Variants in PAX5 observed in about 807,000 individuals in gnomAD.
PAX5 encodes the protein paired box protein Pax-5.
Under a neutral mutation model 43.7 loss-of-function variants are expected in PAX5, and 9 were observed. That is an observed-to-expected ratio of 0.21 (90% confidence interval 0.12 to 0.36). The LOEUF (loss-of-function observed/expected upper bound fraction) is 0.36. PAX5 is among the 10% of genes least tolerant of loss of function. The pLI is 1.00. For synonymous variants in PAX5, 228 were observed against 214.3 expected (o/e 1.06, Z -0.56); for missense variants, 383 against 532.7 (o/e 0.72, Z 2.77).
intron 6 of PAX5, among the ~76,000 whole-genome samples, chr9:36,927,606 A>G (rs1830747670): frequency 6.6e-6 from 1 of 152,218 alleles, no homozygotes; most frequent in Non-Finnish European, 1.5e-5. Flanking sequence ...TGGCTCCCAG[A>G]AAGCAAAGCA....
At chr9:37,017,989 C>T (rs1344054081) in intron 2 of PAX5, among the ~76,000 whole-genome samples, 2 of 152,224 alleles carry the variant, frequency 1.3e-5, no homozygotes, top group African/African-American at 2.4e-5. Flanking sequence ...CAATGTCCTT[C>T]GGTGCAAAGA....
At chr9:36,921,743 G>T (rs943554528) in intron 7 of PAX5, among the ~76,000 whole-genome samples, 1 of 152,162 alleles carries the variant, frequency 6.6e-6, no homozygotes, top group East Asian at 1.9e-4. Context: ...ATTATTTGTA[G>T]TTCCTTGAAA....
Position 36,996,382 on chromosome 9 carries a change from C to T in PAX5, c.604+6266G>A, listed in dbSNP as rs147464324. Among the ~76,000 whole-genome samples, 112 of 152,384 alleles carry T rather than the reference C, an allele frequency of 7.3e-4. No individual in the cohort carries two copies. The East Asian group carries it at 0.017, about 23-fold the overall frequency. ...AGGTGCAGAGAGATTAAGTAACTCG[C>T]TACAAGAAGTCCTCAAACCATTTCA... is the stretch of plus-strand genomic sequence containing the variant. On this transcript the variant is annotated intron_variant, in intron 5 of 9. Transcript: ENST00000358127.
In PAX5 at chr9:37,026,797, C is replaced by G. The variant is rs751444706; in HGVS notation, c.47-5996G>C. 37 of 879,376 alleles carry G rather than the reference C, an allele frequency of 4.2e-5. No individual in the cohort carries two copies. The Admixed American group carries it at 6.8e-4, about 16-fold the overall frequency. The allele number at this position is 879,376 out of a possible 1,614,324, so 54.5% of individuals were successfully genotyped here. A position where few individuals can be genotyped will look rare whatever the true frequency, so the allele number is the denominator to read the frequency against. Reference sequence around the variant, plus strand: ...GGTGCTAGCGCACCCGGGCTAGGAGCGGGTGCCCAACTCCGGCTGGCTTCC... The same window carrying G: ...GGTGCTAGCGCACCCGGGCTAGGAGGGGGTGCCCAACTCCGGCTGGCTTCC... On this transcript the variant is annotated intron_variant, in intron 1 of 9. Transcript: ENST00000358127.
At chr9:36,919,733 C>T (rs776763437) in intron 7 of PAX5, among the ~76,000 whole-genome samples, 18 of 147,246 alleles carry the variant, frequency 1.2e-4, no homozygotes, top group Non-Finnish European at 2.4e-4. Context: ...CCCAGCTACT[C>T]GGGAGGCTGA....
At chr9:36,964,452 C>T (rs1227540654) in intron 6 of PAX5, among the ~76,000 whole-genome samples, 10 of 151,778 alleles carry the variant, frequency 6.6e-5, no homozygotes, top group East Asian at 1.9e-4. Context: ...ATTAGCCGGG[C>T]GTGGTGGCAG....
chr9:36,918,624 G>T (rs765617387), intron 7 of PAX5, among the ~76,000 whole-genome samples: 26 of 152,140 alleles, frequency 1.7e-4, no homozygotes, highest in Non-Finnish European at 2.5e-4. Context: ...TTGCACCACT[G>T]CACTCCAGCC....
chr9:36,940,031 C>T (rs1831912886), intron 6 of PAX5, among the ~76,000 whole-genome samples: 1 of 152,240 alleles, frequency 6.6e-6, no homozygotes, highest in African/African-American at 2.4e-5. Context: ...GCAAGGCACC[C>T]ACTCCAGCCG....
At chr9:36,994,928 C>T (rs1406253581) in intron 5 of PAX5, among the ~76,000 whole-genome samples, 1 of 152,120 alleles carries the variant, frequency 6.6e-6, no homozygotes, top group African/African-American at 2.4e-5. Context: ...CGTGATGCCC[C>T]CACCACGACC....
rs147374367 is a variant in PAX5 at position 36,847,266 on chromosome 9, G to A, written c.1013-337C>T. ...ATATGAGAAGGCTGATGCCCAGGTC[G>A]TCTCACAAAATGGTCTTGATACACC... On this transcript the variant is annotated intron_variant, in intron 8 of 9. Transcript: ENST00000358127. Among the ~76,000 whole-genome samples the A allele has an allele frequency of 6.6e-3, 1,002 of 152,242 alleles. 12 individuals carry two copies. Among genetic ancestry groups the A allele is most frequent in the African/African-American group, 0.023 (941 of 41,522 alleles).
intron 6 of PAX5, among the ~76,000 whole-genome samples, chr9:36,946,251 C>G (rs564474732): frequency 1.3e-5 from 2 of 152,266 alleles, no homozygotes; most frequent in East Asian, 3.9e-4. Flanking sequence ...CCCAGCTGCC[C>G]CTGAGCTTCA....
intron 8 of PAX5, among the ~76,000 whole-genome samples, chr9:36,878,215 C>T (rs1826094794): frequency 6.6e-6 from 1 of 152,234 alleles, no homozygotes; most frequent in South Asian, 2.1e-4. Context: ...AGATTTGTTA[C>T]AGTAGCCACA....
At chr9:36,907,580 G>T (rs1261588466) in intron 7 of PAX5, among the ~76,000 whole-genome samples, 1 of 152,196 alleles carries the variant, frequency 6.6e-6, no homozygotes, top group Non-Finnish European at 1.5e-5. Flanking sequence ...GATCGGGGCT[G>T]TTCAGCCACA....
intron 8 of PAX5, among the ~76,000 whole-genome samples, chr9:36,847,954 C>T (rs1822748350): frequency 1.3e-5 from 2 of 152,172 alleles, no homozygotes; most frequent in Admixed American, 1.3e-4. Context: ...GGACTCATCG[C>T]CAGGTGCCCA....
chr9:37,005,084 G>A (rs1838275260), intron 4 of PAX5, among the ~76,000 whole-genome samples: 1 of 152,204 alleles, frequency 6.6e-6, no homozygotes, highest in East Asian at 1.9e-4. Context: ...GATTTTCAGT[G>A]CTATGTGACC....
intron 8 of PAX5, among the ~76,000 whole-genome samples, chr9:36,852,122 T>C (rs947347165): frequency 6.6e-6 from 1 of 152,244 alleles, no homozygotes; most frequent in African/African-American, 2.4e-5. Context: ...CGTTTGCAGA[T>C]GCTCTTTGCA....
At chr9:37,029,754 T>G (rs189983119) in intron 1 of PAX5, among the ~76,000 whole-genome samples, 2 of 152,324 alleles carry the variant, frequency 1.3e-5, no homozygotes, top group Admixed American at 1.3e-4. Context: ...CCTCTCTTGC[T>G]GAGCTCAGGC....
At chr9:36,865,286 C>T (rs1824758775) in intron 8 of PAX5, among the ~76,000 whole-genome samples, 1 of 152,206 alleles carries the variant, frequency 6.6e-6, no homozygotes, top group Non-Finnish European at 1.5e-5. Context: ...CTGAGCTCCC[C>T]ACACCTTGCC....
At chr9:36,870,807 G>A (rs1192989131) in intron 8 of PAX5, among the ~76,000 whole-genome samples, 1 of 152,192 alleles carries the variant, frequency 6.6e-6, no homozygotes, top group African/African-American at 2.4e-5. Context: ...AGACGCACTC[G>A]TAAATAATGT....
Sources: gnomAD v4.1 joint callset for allele counts (sites outside exome capture counted in the v4.1 genomes callset) on GRCh38, gnomAD v4.1.1 for gene constraint, MANE v1.5 for transcripts, NCBI Gene and HGNC (gene_info 2026-07-23, HGNC 2026-07-21) for gene names.